The following IFT172 variants were observed in gnomAD, a reference collection of about 807,000 sequenced individuals.
The protein encoded by IFT172 is intraflagellar transport protein 172 homolog.
Under a neutral mutation model 248.9 loss-of-function variants are expected in IFT172, and 164 were observed. That is an observed-to-expected ratio of 0.66 (90% confidence interval 0.58 to 0.75). IFT172 has a LOEUF of 0.75. Among genes scored for constraint, IFT172 ranks in the 30% least tolerant of loss-of-function variants. The probability of loss-of-function intolerance (pLI) is 0.00; values close to 1 mark genes in which losing one functional copy is unlikely to be tolerated. For synonymous variants in IFT172, 729 were observed against 791.6 expected (o/e 0.92, Z 1.33); for missense variants, 1,950 against 2,192.4 (o/e 0.89, Z 2.21).
chr2:27,476,578 T>C (rs935011193), intron 14 of IFT172, 63 bp downstream of exon 14: 1 of 994,330 alleles, frequency 1.0e-6, no homozygotes, highest in African/African-American at 1.6e-5. Flanking sequence ...TGCAATCCTG[T>C]GGTATGGAAG....
intron 30 of IFT172, chr2:27,455,196 TC>T: frequency 3.1e-6 from 1 of 324,040 alleles, no homozygotes; most frequent in Non-Finnish European, 5.9e-6. Context: ...CTCAAGAGCA[TC>T]AACAATGCCA....
At position 27,479,592 on chromosome 2, in the gene IFT172, C is replaced by A. The variant is rs771479443; in HGVS notation, c.922G>T (p.Gly308Cys). The change falls in exon 10 of 48, where the codon GGT (glycine) becomes TGT (cysteine). Residue 308 changes from glycine (G) to cysteine (C), a missense_variant. Around this residue, in one of 3 missense-constraint regions of IFT172, gnomAD observed 1,166 missense variants for 1,254.1 expected, o/e 0.93. Transcript: ENST00000260570. ...CAGCAGTCAAACTGTTCCACCCCAC[C>A]ACATAGTGTGCCCTAGAAGGGAAAG... is the stretch of plus-strand genomic sequence containing the variant. ...GSRLCVGTLC[G>C]GVEQFDCCLR... 6.2e-7 allele frequency: 1 copy of A among 1,610,078 alleles called. No homozygotes were observed. The highest frequency in any genetic ancestry group is 1.7e-5 in the Admixed American group (1 of 60,008).
At chr2:27,451,302 C>T (rs1665652621) in intron 35 of IFT172, among the ~76,000 whole-genome samples, 1 of 152,186 alleles carries the variant, frequency 6.6e-6, no homozygotes, top group South Asian at 2.1e-4. Flanking sequence ...ATCAGGAAGC[C>T]ATTTTCTGAC....
In IFT172 at chr2:27,481,219, T is replaced by C. The variant is rs746977884; in HGVS notation, c.612A>G (p.Ala204=). The change falls in exon 8 of 48, where the codon GCA becomes GCG. Residue 204 remains alanine, a synonymous_variant. Transcript: ENST00000260570. ...VNHPCPPYAL[A]WATNSIVAAG... is the part of the protein sequence containing the mutation. ...CAGCCACGATGCTATTGGTTGCCCA[T>C]GCCAAGGCATAGGGTGGACACGGGT... The C allele has an allele frequency of 6.2e-7, 1 of 1,612,668 alleles. No individual in the cohort carries two copies. The highest frequency in any genetic ancestry group is 2.2e-5 in the East Asian group (1 of 44,880).
chr2:27,466,512 T>A (rs771621077), intron 16 of IFT172, among the ~76,000 whole-genome samples: 2 of 152,170 alleles, frequency 1.3e-5, no homozygotes, highest in Non-Finnish European at 2.9e-5. Flanking sequence ...ATCATTAATA[T>A]GCCTGATTCC....
At chr2:27,487,212 T>A (rs1668825782) in intron 1 of IFT172, among the ~76,000 whole-genome samples, 2 of 152,236 alleles carry the variant, frequency 1.3e-5, no homozygotes, top group African/African-American at 4.8e-5. Context: ...CCTGAAGTGC[T>A]GGGATTACAG....
Position 27,449,554 on chromosome 2 carries a change from T to A in IFT172, c.4169A>T (p.Asp1390Val), listed in dbSNP as rs1034663831. The A allele has an allele frequency of 6.2e-7, 1 of 1,614,064 alleles. No individual in the cohort carries two copies. The highest frequency in any genetic ancestry group is 1.3e-5 in the African/African-American group (1 of 74,918). ...CTCTTTATAATGCTGGTCCACATAGTCTTCATACCTGTGAAGATGTTCAGA... is the reference window on the plus strand; with the variant it reads ...CTCTTTATAATGCTGGTCCACATAGACTTCATACCTGTGAAGATGTTCAGA... Reference protein sequence around the residue: ...VAKELDPRYEDYVDQHYKEFL... With the variant: ...VAKELDPRYEVYVDQHYKEFL... The change falls in exon 38 of 48, where the codon GAC (aspartate) becomes GTC (valine). Residue 1390 changes from aspartate (D) to valine (V), a missense_variant. Transcript: ENST00000260570.
In IFT172 at chr2:27,465,395, T is replaced by C. The variant is rs1449637161; in HGVS notation, c.1937+16A>G. 1 of 1,607,716 alleles carries C rather than the reference T, an allele frequency of 6.2e-7. No homozygotes were observed. Among genetic ancestry groups the C allele is most frequent in the East Asian group, 2.2e-5 (1 of 44,858 alleles). ...TCCTAGCTGCGTGGCACCTCTGTTC[T>C]ACATGTCTACCTCACCTCTCCGCAA... On this transcript the variant is annotated intron_variant, in intron 18 of 47. Transcript: ENST00000260570.
chr2:27,462,700 C>T lies in IFT172; in HGVS notation c.2115+1G>A. 1 of 1,612,622 alleles carries T rather than the reference C, an allele frequency of 6.2e-7. No homozygotes were observed. The highest frequency in any genetic ancestry group is 8.5e-7 in the Non-Finnish European group (1 of 1,178,744). ...CCATCCTGTCCCTCTTTTCCTATTA[C>T]CTGTTCCAAAAAGATCATTTCAGCC... On this transcript the variant is annotated splice_donor_variant, in intron 20 of 47. Coordinates refer to ENST00000260570, the MANE Select transcript of IFT172 (RefSeq NM_015662.3). LOFTEE classifies it high-confidence loss of function.
rs768044196 is a variant in IFT172, at chr2:27,449,750, A to G, written c.4101T>C (p.Ala1367=). The stretch of plus-strand genomic sequence containing the variant: ...TGTTCCACTCCTCACCCTCGATGAA[A>G]GCATCGATTGCTTCCTTGACAAGGT... ...NLDLVKEAID[A]FIEGEEWNKA... The change falls in exon 37 of 48, where the codon GCT becomes GCC. Residue 1367 remains alanine, a synonymous_variant. Coordinates refer to ENST00000260570, the MANE Select transcript of IFT172 (RefSeq NM_015662.3). The G allele has an allele frequency of 6.2e-7, 1 of 1,614,038 alleles. No individual in the cohort carries two copies. The highest frequency in any genetic ancestry group is 8.5e-7 in the Non-Finnish European group (1 of 1,179,918).
In IFT172 at chr2:27,458,841, C is replaced by G; in HGVS notation, c.2815G>C (p.Asp939His). Reference protein sequence around the residue: ...EIAEELYTKGDRTKDAIDMYT... With the variant: ...EIAEELYTKGHRTKDAIDMYT... ...ATGTCTATGGCATCTTTTGTCCGAT[C>G]TCCCTTAGTATAGAGCTCCTCAGCA... The change falls in exon 26 of 48, where the codon GAT becomes CAT. Residue 939 changes from aspartate to histidine, a missense_variant. This residue lies in a region of IFT172 where 1,166 missense variants were observed against 1,254.1 expected (regional missense o/e 0.93). Coordinates refer to ENST00000260570, the MANE Select transcript of IFT172 (RefSeq NM_015662.3). 2.5e-6 allele frequency: 4 copies of G among 1,614,146 alleles called. No homozygotes were observed. Among genetic ancestry groups the G allele is most frequent in the Non-Finnish European group, 3.4e-6 (4 of 1,180,036 alleles).
chr2:27,457,284 G>T (rs1279592933), intron 29 of IFT172, among the ~76,000 whole-genome samples: 1 of 152,090 alleles, frequency 6.6e-6, no homozygotes, highest in Non-Finnish European at 1.5e-5. Flanking sequence ...AAGTGGGAAA[G>T]AAGGGCTGGG....
At chr2:27,451,292 A>C (rs1285755201) in intron 35 of IFT172, among the ~76,000 whole-genome samples, 1 of 152,188 alleles carries the variant, frequency 6.6e-6, no homozygotes, top group African/African-American at 2.4e-5. Flanking sequence ...CCCTGTCTGC[A>C]TCAGGAAGCC....
intron 16 of IFT172, among the ~76,000 whole-genome samples, chr2:27,466,987 G>A (rs1667133914): frequency 1.3e-5 from 2 of 151,804 alleles, no homozygotes; most frequent in Admixed American, 6.6e-5. Context: ...TTCACAGCCT[G>A]GGTGACAAAG....
In IFT172 at chr2:27,445,895, ACCT is replaced by A; in HGVS notation, c.4815+31_4815+33del. 6.2e-7 allele frequency: 1 copy of A among 1,613,984 alleles called. No homozygotes were observed. Among genetic ancestry groups the A allele is most frequent in the Non-Finnish European group, 8.5e-7 (1 of 1,179,992 alleles). ...TAGGCACAGCTCGCGACTGGCAAAA[ACCT>A]CCACCCTCGGGGCACAGCTTCCCTA... On this transcript the variant is annotated intron_variant, in intron 44 of 47. Transcript: ENST00000260570. This position sits in a 1 kb window ranked among gnomAD's most constrained non-coding sequence, Gnocchi z 4.4.
intron 33 of IFT172, 36 bp from the exon 34 acceptor site, chr2:27,453,775 A>C: frequency 6.3e-7 from 1 of 1,578,262 alleles, no homozygotes; most frequent in Non-Finnish European, 8.7e-7. Context: ...GGGCAGAGGC[A>C]GGCCTGACAG....
In IFT172 at chr2:27,462,753, A is replaced by T; in HGVS notation, c.2063T>A (p.Leu688Gln). ...TTTGTAGTTCTTTTCCAGCATGGCT[A>T]GACGTGCTCGGACCTGATAAAAGTC... ...GTDFYQVRARLAMLEKNYKLA... is the reference protein window; with the variant it reads ...GTDFYQVRARQAMLEKNYKLA... Residue 688 changes from leucine (L) to glutamine (Q), a missense_variant, in exon 20 of 48, where the codon CTA becomes CAA. Around this residue, in one of 3 missense-constraint regions of IFT172, gnomAD observed 1,166 missense variants for 1,254.1 expected, o/e 0.93. Transcript: ENST00000260570. The T allele has an allele frequency of 1.4e-5, 22 of 1,614,098 alleles. No individual in the cohort carries two copies. The highest frequency in any genetic ancestry group is 1.9e-5 in the Non-Finnish European group (22 of 1,179,996).
Position 27,445,903 on chromosome 2 carries a change from C to A in IFT172, c.4815+26G>T, listed in dbSNP as rs1395097299. 1 of 1,614,234 alleles carries A rather than the reference C, an allele frequency of 6.2e-7. No homozygotes were observed. The highest frequency in any genetic ancestry group is 2.2e-5 in the East Asian group (1 of 44,878). Reference sequence around the variant, plus strand: ...GCTCGCGACTGGCAAAAACCTCCACCCTCGGGGCACAGCTTCCCTACTCAC... The same window carrying A: ...GCTCGCGACTGGCAAAAACCTCCACACTCGGGGCACAGCTTCCCTACTCAC... On this transcript the variant is annotated intron_variant, in intron 44 of 47. Transcript: ENST00000260570. The surrounding 1 kb of genome is among the most constrained non-coding windows in gnomAD (Gnocchi z 4.4).
chr2:27,447,760 C>G (rs117377058), intron 41 of IFT172, 52 bp downstream of exon 41: 1 of 1,599,002 alleles, frequency 6.3e-7, no homozygotes, highest in Non-Finnish European at 8.6e-7. Context: ...TTATGTGCAT[C>G]AAAGAAGAGA....
Sources: allele counts gnomAD v4.1 joint callset (sites outside exome capture counted in the v4.1 genomes callset), GRCh38; gene constraint gnomAD v4.1.1; regional missense constraint gnomAD v4.1.1; non-coding constraint Gnocchi (gnomAD v3.1); transcripts MANE v1.5; gene names NCBI Gene and HGNC (gene_info 2026-07-23, HGNC 2026-07-21).